The following WDR88 variants were observed in gnomAD, a reference collection of about 807,000 sequenced individuals.
WDR88 encodes the protein WD repeat-containing protein 88.
A neutral mutation model predicts 46.8 loss-of-function variants in WDR88; 40 were observed. That is an observed-to-expected ratio of 0.86 (90% CI 0.66 to 1.11). The LOEUF is 1.11. Ranked by LOEUF, WDR88 falls within the 50% of genes most tolerant of loss-of-function variation. The pLI is 0.00. For missense variants in WDR88, 562 were observed against 602.4 expected (o/e 0.93, Z 0.70); for synonymous variants, 235 against 240.7 (o/e 0.98, Z 0.22).
chr19:33,147,564 C>T, intron 3 of WDR88, 81 bp from the exon 4 acceptor site: 1 of 1,402,274 alleles, frequency 7.1e-7, no homozygotes, highest in South Asian at 1.2e-5. Flanking sequence ...TATTGCACCA[C>T]TGCACTCCAG....
intron 9 of WDR88, among the ~76,000 whole-genome samples, chr19:33,172,031 T>C (rs747503651): frequency 3.3e-5 from 5 of 152,168 alleles, no homozygotes; most frequent in Non-Finnish European, 7.4e-5. Context: ...CTCAAAGTGG[T>C]CGGATTACAG....
At chr19:33,138,687 C>CTT (rs1218123445) in intron 2 of WDR88, among the ~76,000 whole-genome samples, 15 of 67,634 alleles carry the variant, frequency 2.2e-4, no homozygotes, top group African/African-American at 4.7e-4. Context: ...CTTTTCTTTT[C>CTT]TTTTTTTTTT....
chr19:33,160,320 A>G, intron 7 of WDR88, 94 bp from the exon 8 acceptor site: 1 of 1,207,612 alleles, frequency 8.3e-7, no homozygotes. Context: ...GAGTGAGATG[A>G]GGTGGTGCCT....
chr19:33,167,061 C>T (rs777662823), intron 9 of WDR88, among the ~76,000 whole-genome samples: 28 of 152,092 alleles, frequency 1.8e-4, no homozygotes, highest in Non-Finnish European at 3.1e-4. Flanking sequence ...TGACTTCATT[C>T]TATGAGGCCA....
At position 33,175,383 on chromosome 19, in the gene WDR88, T is replaced by C. The variant is rs1442266139; in HGVS notation, c.1243-13T>C. Reference sequence around the variant, plus strand: ...GCACCTCCTTTCTGCTCTTTTAAAATATCCCATGTCAGTGCGAAAGATGTG... The same window carrying C: ...GCACCTCCTTTCTGCTCTTTTAAAACATCCCATGTCAGTGCGAAAGATGTG... On this transcript the variant is annotated splice_polypyrimidine_tract_variant and intron_variant, in intron 10 of 10. Coordinates refer to ENST00000355868, the MANE Select transcript of WDR88 (RefSeq NM_173479.4). 4 of 1,613,280 alleles carry C rather than the reference T, an allele frequency of 2.5e-6. No individual in the cohort carries two copies. Among genetic ancestry groups the C allele is most frequent in the South Asian group, 1.1e-5 (1 of 91,024 alleles).
intron 9 of WDR88, among the ~76,000 whole-genome samples, chr19:33,168,510 C>T (rs1973989633): frequency 6.6e-6 from 1 of 152,140 alleles, no homozygotes; most frequent in South Asian, 2.1e-4. Context: ...AGAGCAATTC[C>T]ATTTACAATG....
intron 8 of WDR88, among the ~76,000 whole-genome samples, chr19:33,161,719 C>T (rs1424936790): frequency 6.6e-6 from 1 of 152,126 alleles, no homozygotes; most frequent in Non-Finnish European, 1.5e-5. Flanking sequence ...AATCCCAGCA[C>T]TTTGGGAGGC....
At chr19:33,144,485 C>G (rs1973469059) in intron 2 of WDR88, among the ~76,000 whole-genome samples, 2 of 152,142 alleles carry the variant, frequency 1.3e-5, no homozygotes, top group Admixed American at 1.3e-4. Context: ...CAGTCGTGAG[C>G]CACCGCGCCC....
intron 6 of WDR88, among the ~76,000 whole-genome samples, chr19:33,155,592 G>T (rs921308987): frequency 1.3e-5 from 2 of 152,130 alleles, no homozygotes; most frequent in Non-Finnish European, 2.9e-5. Flanking sequence ...GGAACAGGGG[G>T]AGACCACGCC....
At chr19:33,171,771 T>C (rs959385314) in intron 9 of WDR88, among the ~76,000 whole-genome samples, 2 of 151,548 alleles carry the variant, frequency 1.3e-5, no homozygotes, top group Admixed American at 1.3e-4. Context: ...TGTCATATAG[T>C]TTTGTTTGTT....
At chr19:33,147,533 G>A in intron 3 of WDR88, 112 bp from the exon 4 acceptor site, 1 of 974,204 alleles carries the variant, frequency 1.0e-6, no homozygotes, top group Non-Finnish European at 1.5e-6. Context: ...AACCTGGGAG[G>A]TGGAGGTTGC....
chr19:33,143,719 C>T (rs189127794), intron 2 of WDR88, among the ~76,000 whole-genome samples: 104 of 151,570 alleles, frequency 6.9e-4, no homozygotes, highest in African/African-American at 2.3e-3. Context: ...ACAGGAAACA[C>T]ATGAAAACAC....
In WDR88 at chr19:33,151,324, C is replaced by T. The variant is rs368882174; in HGVS notation, c.809+14C>T. 7 of 1,609,792 alleles carry T rather than the reference C, an allele frequency of 4.3e-6. No homozygotes were observed. The African/African-American group carries it at 8.0e-5, about 18-fold the overall frequency. ...CACCATCACTAAGTGAGTTGGACCCCAGGAGGCCAGAAGGGAGTTTGGGTG... is the reference window on the plus strand; with the variant it reads ...CACCATCACTAAGTGAGTTGGACCCTAGGAGGCCAGAAGGGAGTTTGGGTG... On this transcript the variant is annotated intron_variant, in intron 6 of 10. Coordinates refer to ENST00000355868, the MANE Select transcript of WDR88 (RefSeq NM_173479.4).
At chr19:33,151,007 C>T (rs1023321769) in intron 5 of WDR88, among the ~76,000 whole-genome samples, 174 bp from the exon 6 acceptor site, 3 of 152,220 alleles carry the variant, frequency 2.0e-5, no homozygotes, top group Admixed American at 6.5e-5. Context: ...GCTGTGCTCC[C>T]GGTTCAAAGC....
chr19:33,137,532 C>T (rs10402746), intron 1 of WDR88, 145 bp from the exon 2 acceptor site: 128,411 of 637,872 alleles, frequency 0.2, 17,575 homozygotes, highest in African/African-American at 0.46. Context: ...GGATTACAGA[C>T]GTGAACCACC....
intron 10 of WDR88, 124 bp from the exon 11 acceptor site, chr19:33,175,272 A>C (rs1974103619): frequency 2.9e-6 from 3 of 1,019,086 alleles, no homozygotes; most frequent in Non-Finnish European, 4.3e-6. Context: ...AACCAAAAAG[A>C]GATTCCAGAG....
At chr19:33,133,198 T>TAAATAAATAGAGAGAG (rs1555723214) in intron 1 of WDR88, among the ~76,000 whole-genome samples, 1 of 79,722 alleles carries the variant, frequency 1.3e-5, no homozygotes, top group Non-Finnish European at 3.8e-5. Context: ...TAAATAAATA[T>TAAATAAATAGAGAGAG]AGAGAGAGAG....
chr19:33,138,682 C>CT (rs1568358973), intron 2 of WDR88, among the ~76,000 whole-genome samples: 1 of 130,718 alleles, frequency 7.7e-6, no homozygotes. Context: ...CTTTTCTTTT[C>CT]TTTTCTTTTT....
At chr19:33,135,604 G>A (rs1973247582) in intron 1 of WDR88, among the ~76,000 whole-genome samples, 1 of 152,134 alleles carries the variant, frequency 6.6e-6, no homozygotes, top group Non-Finnish European at 1.5e-5. Context: ...TTTTAGTAGA[G>A]ACGGGGTTTC....
Sources: allele counts gnomAD v4.1 joint callset (sites outside exome capture counted in the v4.1 genomes callset), GRCh38; gene constraint gnomAD v4.1.1; transcripts MANE v1.5; gene names NCBI Gene and HGNC (gene_info 2026-07-23, HGNC 2026-07-21).